ADAMTS6: variants seen among roughly 807,000 people sequenced by gnomAD.
The protein encoded by ADAMTS6 is A disintegrin and metalloproteinase with thrombospondin motifs 6.
A neutral mutation model predicts 144.3 loss-of-function variants in ADAMTS6; 23 were observed. The observed-to-expected ratio is 0.16, with a 90% CI of 0.11 to 0.23. The LOEUF (loss-of-function observed/expected upper bound fraction) is 0.23, where lower values mean the gene tolerates loss of function less well. ADAMTS6 is among the 10% of genes least tolerant of loss of function. ADAMTS6 has a pLI of 1.00. For synonymous variants in ADAMTS6, 444 were observed against 457.5 expected (o/e 0.97, Z 0.38); for missense variants, 999 against 1,379.6 (o/e 0.72, Z 4.37).
intron 9 of ADAMTS6, among the ~76,000 whole-genome samples, chr5:65,319,461 C>T (rs1447476796): frequency 6.7e-6 from 1 of 148,890 alleles, no homozygotes; most frequent in Non-Finnish European, 1.5e-5. Flanking sequence ...GGAAGGACTG[C>T]TTAAGCTCAG....
intron 21 of ADAMTS6, among the ~76,000 whole-genome samples, chr5:65,193,813 T>C (rs1010349451): frequency 1.3e-5 from 2 of 152,122 alleles, no homozygotes; most frequent in African/African-American, 2.4e-5. Flanking sequence ...AAATAAAAAG[T>C]ACAGCCAAAA....
At chr5:65,291,590 C>T (rs1248714299) in intron 10 of ADAMTS6, 120 bp from the exon 11 acceptor site, 2 of 1,048,074 alleles carry the variant, frequency 1.9e-6, no homozygotes, top group Non-Finnish European at 2.6e-6. Flanking sequence ...AATACATTCT[C>T]CCAATAAATA....
At chr5:65,231,667 T>C (rs1561307374) in intron 15 of ADAMTS6, among the ~76,000 whole-genome samples, 1 of 152,116 alleles carries the variant, frequency 6.6e-6, no homozygotes, top group Non-Finnish European at 1.5e-5. Context: ...TGAAATCATA[T>C]CAAGTATTTT....
intron 8 of ADAMTS6, among the ~76,000 whole-genome samples, chr5:65,331,410 T>G (rs1746703858): frequency 6.6e-6 from 1 of 152,078 alleles, no homozygotes; most frequent in Admixed American, 6.6e-5. Context: ...TCTGCCATCT[T>G]ATATAAAATT....
chr5:65,421,403 T>C (rs1756031979), intron 7 of ADAMTS6, among the ~76,000 whole-genome samples: 2 of 152,222 alleles, frequency 1.3e-5, no homozygotes, highest in Non-Finnish European at 2.9e-5. Flanking sequence ...CCCCAATCCC[T>C]TCTGGCTTGC....
At chr5:65,456,142 AC>A (rs1179833268) in intron 4 of ADAMTS6, among the ~76,000 whole-genome samples, 1 of 152,014 alleles carries the variant, frequency 6.6e-6, no homozygotes, top group Non-Finnish European at 1.5e-5. Flanking sequence ...ATAAAACTAT[AC>A]ATTCTATAAT....
Position 65,260,646 on chromosome 5 carries a change from T to G in ADAMTS6, c.1784A>C (p.Lys595Thr). Residue 595 changes from lysine to threonine, a missense_variant, in exon 14 of 25, where the codon AAA becomes ACA. This residue lies in a region of ADAMTS6 where 619 missense variants were observed against 837.0 expected (regional missense o/e 0.74). Transcript: ENST00000381055. ...CDSPAPSGGG[K>T]YCLGERKRYR... Reference sequence around the variant, plus strand: ...CCGTTTCCTTTCCCCAAGGCAATATTTTCCACCTCCTGAAGGTCTGAAAAA... The same window carrying G: ...CCGTTTCCTTTCCCCAAGGCAATATGTTCCACCTCCTGAAGGTCTGAAAAA... 1 of 1,613,614 alleles carries G rather than the reference T, an allele frequency of 6.2e-7. No individual in the cohort carries two copies. The highest frequency in any genetic ancestry group is 8.5e-7 in the Non-Finnish European group (1 of 1,179,754).
chr5:65,468,095 A>T (rs968878674), intron 3 of ADAMTS6, among the ~76,000 whole-genome samples: 1 of 152,206 alleles, frequency 6.6e-6, no homozygotes, highest in Admixed American at 6.5e-5. Context: ...CATGGTCCAA[A>T]TACACAGCAA....
At chr5:65,428,988 A>C (rs543588068) in intron 7 of ADAMTS6, among the ~76,000 whole-genome samples, 219 of 152,330 alleles carry the variant, frequency 1.4e-3, no homozygotes, top group Non-Finnish European at 1.8e-3. Flanking sequence ...ACCTAGGCAC[A>C]CTGAGTATTT....
Position 65,215,315 on chromosome 5 carries a change from C to A in ADAMTS6, c.2436+9G>T. 1.9e-6 allele frequency: 3 copies of A among 1,611,776 alleles called. No individual in the cohort carries two copies. Among genetic ancestry groups the A allele is most frequent in the Non-Finnish European group, 2.5e-6 (3 of 1,179,230 alleles). The stretch of plus-strand genomic sequence containing the variant: ...AACAGAAGAAATACAATGGCAAAGA[C>A]GCATTTACCATGACGATGAGATTTT... On this transcript the variant is annotated intron_variant, in intron 19 of 24. Coordinates refer to ENST00000381055, the MANE Select transcript of ADAMTS6 (RefSeq NM_197941.4).
At chr5:65,432,624 T>C (rs570143932) in intron 7 of ADAMTS6, among the ~76,000 whole-genome samples, 2 of 152,230 alleles carry the variant, frequency 1.3e-5, no homozygotes, top group South Asian at 2.1e-4. Context: ...ATGCCACCCA[T>C]TATGTAAAGT....
chr5:65,197,239 C>T (rs1368972984), intron 20 of ADAMTS6, 88 bp from the exon 21 acceptor site: 3 of 1,392,808 alleles, frequency 2.2e-6, no homozygotes, highest in South Asian at 1.5e-5. Flanking sequence ...GGGGAATTGA[C>T]CTCACTGGAT....
chr5:65,380,333 A>AG (rs1189298324), intron 7 of ADAMTS6, among the ~76,000 whole-genome samples: 2 of 152,054 alleles, frequency 1.3e-5, no homozygotes, highest in East Asian at 3.9e-4. Flanking sequence ...GCACTTTGGG[A>AG]GGCCAAGGTA....
intron 7 of ADAMTS6, among the ~76,000 whole-genome samples, chr5:65,410,865 A>G (rs1292683245): frequency 1.3e-5 from 2 of 152,014 alleles, no homozygotes; most frequent in African/African-American, 4.8e-5. Flanking sequence ...TCTTTTAGGA[A>G]CTCATTCTGT....
intron 9 of ADAMTS6, among the ~76,000 whole-genome samples, chr5:65,321,498 G>T (rs1372228738): frequency 1.3e-5 from 2 of 151,706 alleles, no homozygotes; most frequent in Non-Finnish European, 2.9e-5. Flanking sequence ...CTGTCTGTTT[G>T]CTCTGTTGGT....
chr5:65,228,972 A>G (rs1684050421), intron 15 of ADAMTS6, among the ~76,000 whole-genome samples: 1 of 152,158 alleles, frequency 6.6e-6, no homozygotes, highest in Admixed American at 6.5e-5. Context: ...CCACCTCATA[A>G]CTAGTCAACA....
At chr5:65,190,708 A>C (rs1474241742) in intron 21 of ADAMTS6, among the ~76,000 whole-genome samples, 1 of 152,020 alleles carries the variant, frequency 6.6e-6, no homozygotes, top group Non-Finnish European at 1.5e-5. Flanking sequence ...TAGATGTATC[A>C]CTCTAGCCTT....
intron 7 of ADAMTS6, among the ~76,000 whole-genome samples, chr5:65,393,958 C>T (rs1753126154): frequency 6.6e-6 from 1 of 152,158 alleles, no homozygotes; most frequent in African/African-American, 2.4e-5. Flanking sequence ...CATACAGTGG[C>T]CCTAGAGAGG....
intron 10 of ADAMTS6, 99 bp from the exon 11 acceptor site, chr5:65,291,569 G>T: frequency 7.9e-7 from 1 of 1,270,336 alleles, no homozygotes; most frequent in Non-Finnish European, 1.0e-6. Context: ...ATAACTTGAC[G>T]CATGAAAAAC....
Sources: gnomAD v4.1 joint callset for allele counts (sites outside exome capture counted in the v4.1 genomes callset) on GRCh38, gnomAD v4.1.1 for gene constraint, gnomAD v4.1.1 regional missense constraint, MANE v1.5 for transcripts, NCBI Gene and HGNC (gene_info 2026-07-23, HGNC 2026-07-21) for gene names.